TGFBR3: variants seen among roughly 807,000 people sequenced by gnomAD.
The protein encoded by TGFBR3 is transforming growth factor beta receptor type 3.
A neutral mutation model predicts 87.9 loss-of-function variants in TGFBR3; 46 were observed. That is an observed-to-expected ratio of 0.52 (90% CI 0.41 to 0.67). The LOEUF (loss-of-function observed/expected upper bound fraction) is 0.67. TGFBR3 is among the 30% of genes least tolerant of loss of function. The pLI is 0.00. For missense variants in TGFBR3, 866 were observed against 1,041.9 expected (o/e 0.83, Z 2.32); for synonymous variants, 381 against 391.6 (o/e 0.97, Z 0.32).
chr1:91,698,513 C>CTTTTTTTTTTTTTTTTTTTTT (rs35919369), intron 14 of TGFBR3, among the ~76,000 whole-genome samples: 1 of 120,736 alleles, frequency 8.3e-6, no homozygotes, highest in Non-Finnish European at 1.7e-5. Context: ...TCAAAATATT[C>CTTTTTTTTTTTTTTTTTTTTT]TTTTTTTTTT....
intron 2 of TGFBR3, among the ~76,000 whole-genome samples, chr1:91,822,107 T>C (rs1408581212): frequency 6.6e-6 from 1 of 152,050 alleles, no homozygotes; most frequent in East Asian, 1.9e-4. Context: ...GTGTGACTTA[T>C]GTGACCTATT....
chr1:91,727,861 T>G, intron 6 of TGFBR3, 55 bp from the exon 7 acceptor site: 33 of 1,577,746 alleles, frequency 2.1e-5, no homozygotes, highest in Non-Finnish European at 2.6e-5. Flanking sequence ...AAGTTGCAAC[T>G]ATCTCCCCTC....
At chr1:91,873,197 T>C (rs1388242447) in intron 1 of TGFBR3, among the ~76,000 whole-genome samples, 1 of 152,054 alleles carries the variant, frequency 6.6e-6, no homozygotes, top group Non-Finnish European at 1.5e-5. Context: ...TCTTGAATTC[T>C]TTGCCTCATA....
chr1:91,737,388 G>A (rs925251296), intron 4 of TGFBR3, among the ~76,000 whole-genome samples: 2 of 152,090 alleles, frequency 1.3e-5, no homozygotes, highest in African/African-American at 2.4e-5. Flanking sequence ...TCTGATTTGC[G>A]GAACTGTGAG....
At chr1:91,898,044 T>TAA (rs11331075) in intron 2 of TGFBR3, among the ~76,000 whole-genome samples, 101 of 148,792 alleles carry the variant, frequency 6.8e-4, no homozygotes, top group Middle Eastern at 3.4e-3. Flanking sequence ...GTTTTCAATT[T>TAA]AAAAAAAAAA....
rs555590644 is a variant in TGFBR3 at position 91,797,268 on chromosome 1, A to T, written c.246+19T>A. ...GCAGACTCAGTGGCAGTGGGCTGAG[A>T]GCTGACACCTGCACCTACCTCTCTC... On this transcript the variant is annotated intron_variant, in intron 3 of 16. Coordinates refer to ENST00000212355, the MANE Select transcript of TGFBR3 (RefSeq NM_003243.5). 2.5e-6 allele frequency: 4 copies of T among 1,613,462 alleles called. No individual in the cohort carries two copies. The highest frequency in any genetic ancestry group is 3.4e-6 in the Non-Finnish European group (4 of 1,179,816).
At chr1:91,719,271 G>A (rs777543065) in intron 10 of TGFBR3, 41 bp downstream of exon 10, 3 of 1,613,512 alleles carry the variant, frequency 1.9e-6, no homozygotes, top group Non-Finnish European at 2.5e-6. Context: ...ACACAGCCAG[G>A]CTCTGGCAAA....
In TGFBR3 at chr1:91,681,433, C is replaced by A; in HGVS notation, c.*2306G>T. 1 of 355,960 alleles carries A rather than the reference C, an allele frequency of 2.8e-6. No individual in the cohort carries two copies. The highest frequency in any genetic ancestry group is 5.4e-6 in the Non-Finnish European group (1 of 186,852). The allele number at this position is 355,960 out of a possible 1,614,324, so 22.1% of individuals were successfully genotyped here. A position where few individuals can be genotyped will look rare whatever the true frequency, so the allele number is the denominator to read the frequency against. On this transcript the variant is annotated 3_prime_UTR_variant, in exon 17 of 17. Coordinates refer to ENST00000212355, the MANE Select transcript of TGFBR3 (RefSeq NM_003243.5). Reference sequence around the variant, plus strand: ...TTTAAAAAGATCTTTTGGTTTGCATCTATAAATTTGTAAATTAATTTTAAA... The same window carrying A: ...TTTAAAAAGATCTTTTGGTTTGCATATATAAATTTGTAAATTAATTTTAAA...
At chr1:91,744,395 T>A (rs897984613) in intron 4 of TGFBR3, among the ~76,000 whole-genome samples, 1 of 152,176 alleles carries the variant, frequency 6.6e-6, no homozygotes, top group African/African-American at 2.4e-5. Context: ...CACTCAGCCT[T>A]CTTTTACTTT....
rs541129908 is a variant in TGFBR3 at position 91,729,909 on chromosome 1, C to T, written c.633G>A (p.Glu211=). The T allele has an allele frequency of 6.2e-7, 1 of 1,614,154 alleles. No individual in the cohort carries two copies. The highest frequency in any genetic ancestry group is 1.1e-5 in the South Asian group (1 of 91,080). Residue 211 remains glutamate, a synonymous_variant, in exon 6 of 17, where the codon GAG becomes GAA. Transcript: ENST00000212355. Reference sequence around the variant, plus strand: ...CTTCTGCTGCTTTGGGTTGAAGGTACTCAGCAAGGTAATTGAGTGAGAGAA... The same window carrying T: ...CTTCTGCTGCTTTGGGTTGAAGGTATTCAGCAAGGTAATTGAGTGAGAGAA... The part of the protein sequence containing the change: ...KNFLSLNYLA[E]YLQPKAAEGC...
At chr1:91,750,855 G>A (rs1290604071) in intron 4 of TGFBR3, among the ~76,000 whole-genome samples, 2 of 152,296 alleles carry the variant, frequency 1.3e-5, no homozygotes, top group Admixed American at 6.5e-5. Flanking sequence ...GCAGGAAGCT[G>A]CCTTGATTGC....
chr1:91,898,097 G>GA (rs1679590270), intron 2 of TGFBR3, among the ~76,000 whole-genome samples: 1 of 150,684 alleles, frequency 6.6e-6, no homozygotes, highest in Non-Finnish European at 1.5e-5. Flanking sequence ...GAAAGTACAG[G>GA]AAAAAAAGAA....
chr1:91,734,649 C>G, intron 5 of TGFBR3, 127 bp downstream of exon 5: 1 of 1,202,792 alleles, frequency 8.3e-7, no homozygotes, highest in East Asian at 2.3e-5. Flanking sequence ...GCCAAATGAC[C>G]CCTCAGGTCC....
At chr1:91,790,945 A>AG (rs1675166907) in intron 3 of TGFBR3, among the ~76,000 whole-genome samples, 3 of 152,214 alleles carry the variant, frequency 2.0e-5, no homozygotes, top group South Asian at 4.2e-4. Context: ...TCGATAATCG[A>AG]GGGGGAAAAA....
rs1283550886 is a variant in TGFBR3 at position 91,712,449 on chromosome 1, T to C, written c.1960A>G (p.Thr654Ala). The C allele has an allele frequency of 1.9e-6, 3 of 1,613,912 alleles. No homozygotes were observed. The highest frequency in any genetic ancestry group is 2.2e-5 in the East Asian group (1 of 44,874). ...TTAGGACAAATATTCTCAATAATGG[T>C]GTAATGAGACATCCTATCAGGGTTC... ...YSNPDRMSHY[T>A]IIENICPKDE... Residue 654 changes from threonine to alanine, a missense_variant, in exon 13 of 17, where the codon ACC becomes GCC. Transcript: ENST00000212355.
At chr1:91,760,346 G>A (rs1300423874) in intron 3 of TGFBR3, among the ~76,000 whole-genome samples, 1 of 152,196 alleles carries the variant, frequency 6.6e-6, no homozygotes, top group South Asian at 2.1e-4. Context: ...AACCCAGGAA[G>A]TGGAGGTTGC....
At chr1:91,785,920 C>T (rs1349954927) in intron 3 of TGFBR3, among the ~76,000 whole-genome samples, 1 of 152,040 alleles carries the variant, frequency 6.6e-6, no homozygotes, top group Non-Finnish European at 1.5e-5. Flanking sequence ...GTGCACACTA[C>T]TATGCCTGGC....
chr1:91,779,179 G>A (rs1674680074), intron 3 of TGFBR3, among the ~76,000 whole-genome samples: 1 of 152,178 alleles, frequency 6.6e-6, no homozygotes. Flanking sequence ...TGACTGGACG[G>A]AAGTCTTTCA....
chr1:91,852,383 T>C (rs1054731388), intron 2 of TGFBR3, among the ~76,000 whole-genome samples: 4 of 152,186 alleles, frequency 2.6e-5, no homozygotes, highest in Non-Finnish European at 5.9e-5. Flanking sequence ...CTCCCGTGTG[T>C]GTGTATGTGT....
Sources: gnomAD v4.1 joint callset for allele counts (sites outside exome capture counted in the v4.1 genomes callset) on GRCh38, gnomAD v4.1.1 for gene constraint, MANE v1.5 for transcripts, NCBI Gene and HGNC (gene_info 2026-07-23, HGNC 2026-07-21) for gene names.